The following TMCC2 variants were observed in gnomAD, a reference collection of about 807,000 sequenced individuals.
The protein encoded by TMCC2 is transmembrane and coiled-coil domain family 2, also known as transmembrane and coiled-coil domains protein 2.
Under a neutral mutation model 49.4 loss-of-function variants are expected in TMCC2, and 16 were observed. The observed-to-expected ratio is 0.32, with a 90% CI of 0.22 to 0.49. TMCC2 has a LOEUF of 0.49. Among genes scored for constraint, TMCC2 ranks in the 20% least tolerant of loss-of-function variants. TMCC2 has a pLI of 0.99. For missense variants in TMCC2, 762 were observed against 989.8 expected, an observed-to-expected ratio of 0.77 and a Z score of 3.09; for synonymous variants, 397 against 434.1, an observed-to-expected ratio of 0.91 and a Z score of 1.06.
chr1:205,236,487 A>C (rs1660054818), intron 1 of TMCC2: 1 of 152,216 alleles, frequency 6.6e-6, no homozygotes, highest in African/African-American at 2.4e-5. Flanking sequence ...TCAGAAAATA[A>C]ATGAACAAAT....
chr1:205,232,582 G>A (rs1659841785), intron 1 of TMCC2, among the ~76,000 whole-genome samples: 2 of 152,092 alleles, frequency 1.3e-5, no homozygotes, highest in South Asian at 2.1e-4. Flanking sequence ...CATATGGGAG[G>A]AGAGGTGGGG....
At chr1:205,261,458 C>T (rs1307614210) in intron 2 of TMCC2, among the ~76,000 whole-genome samples, 1 of 151,992 alleles carries the variant, frequency 6.6e-6, no homozygotes, top group Non-Finnish European at 1.5e-5. Flanking sequence ...CCATTTTGGC[C>T]TCCAAAAGTG....
chr1:205,241,999 C>A lies in TMCC2; in HGVS notation c.702C>A (p.Ser234Arg), dbSNP rs1660289236. ...CTGCTCTGCTGCTGGCCGACGGCAG[C>A]AACGTGTACCTCCTGGCTGAGGAGG... ...TDTALLLADG[S>R]NVYLLAEEAE... The change falls in exon 2 of 5, where the codon AGC (serine) becomes AGA (arginine). Residue 234 changes from serine to arginine, a missense_variant. Around this residue, in one of 2 missense-constraint regions of TMCC2, gnomAD observed 322 missense variants for 353.1 expected, o/e 0.91. Transcript: ENST00000358024. The surrounding 1 kb of genome is among the most constrained non-coding windows in gnomAD (Gnocchi z 7.3). 1 of 1,607,736 alleles carries A rather than the reference C, an allele frequency of 6.2e-7. No homozygotes were observed. The highest frequency in any genetic ancestry group is 8.5e-7 in the Non-Finnish European group (1 of 1,177,896).
Position 205,272,292 on chromosome 1 carries a change from CTG to C in TMCC2, c.*170_*171del. On this transcript the variant is annotated 3_prime_UTR_variant, in exon 5 of 5. Coordinates refer to ENST00000358024, the MANE Select transcript of TMCC2 (RefSeq NM_014858.4). ...CTTGCTTCTGTCTGACACCTTCTCC[CTG>C]TTGGCCTGAAGGGAGCTTAGAATGC... is the stretch of plus-strand genomic sequence containing the variant. The C allele has an allele frequency of 7.4e-7, 1 of 1,352,122 alleles. No individual in the cohort carries two copies. Among genetic ancestry groups the C allele is most frequent in the Non-Finnish European group, 9.8e-7 (1 of 1,023,708 alleles). The allele number at this position is 1,352,122 out of a possible 1,614,324, so 83.8% of individuals were successfully genotyped here.
chr1:205,261,363 C>A (rs1661107388), intron 2 of TMCC2, among the ~76,000 whole-genome samples: 1 of 141,246 alleles, frequency 7.1e-6, no homozygotes, highest in South Asian at 2.1e-4. Context: ...CACCACCACA[C>A]CTGGCTGTTT....
chr1:205,238,830 C>T (rs938114056), intron 1 of TMCC2, among the ~76,000 whole-genome samples: 64 of 152,230 alleles, frequency 4.2e-4, no homozygotes, highest in African/African-American at 1.4e-3. Flanking sequence ...TCCGTTTCTT[C>T]ATCTGCAAAA....
rs549191303 is a variant in TMCC2 at position 205,237,430 on chromosome 1, G to C, written c.208-4075G>C. ...CCCACTGAACCCTCACAGCCAAACT[G>C]TTGGTAGGGCGGAAGGAGTTTCAAA... is the stretch of plus-strand genomic sequence containing the variant. On this transcript the variant is annotated intron_variant, in intron 1 of 4. Transcript: ENST00000358024. 3.3e-5 allele frequency among the ~76,000 whole-genome samples: 5 copies of C among 152,342 alleles called. No homozygotes were observed. The East Asian group carries it at 9.6e-4, about 29-fold the overall frequency.
chr1:205,272,168 C>T lies in TMCC2; in HGVS notation c.*44C>T, dbSNP rs1435953765. On this transcript the variant is annotated 3_prime_UTR_variant, in exon 5 of 5. Transcript: ENST00000358024. The stretch of plus-strand genomic sequence containing the variant: ...CCTGTGCTCTCTGGCCCCCAGCTGG[C>T]CACACTTCTCCAGGAGGGACCCTTG... The T allele has an allele frequency of 1.3e-6, 2 of 1,589,688 alleles. No homozygotes were observed. The highest frequency in any genetic ancestry group is 2.3e-5 in the East Asian group (1 of 44,434).
At chr1:205,268,252 C>T (rs1400173568) in intron 2 of TMCC2, among the ~76,000 whole-genome samples, 1 of 152,224 alleles carries the variant, frequency 6.6e-6, no homozygotes, top group Non-Finnish European at 1.5e-5. Context: ...TCTCATTCCT[C>T]AGAAATCCAA....
intron 2 of TMCC2, among the ~76,000 whole-genome samples, chr1:205,257,567 T>C (rs1574855894): frequency 6.6e-6 from 1 of 152,176 alleles, no homozygotes; most frequent in African/African-American, 2.4e-5. Context: ...GGAGAGCCCC[T>C]GGGGTTGGAT....
intron 2 of TMCC2, among the ~76,000 whole-genome samples, chr1:205,261,029 T>C (rs1661089665): frequency 6.6e-6 from 1 of 152,120 alleles, no homozygotes; most frequent in African/African-American, 2.4e-5. Flanking sequence ...TCAATTCGTT[T>C]GGGAATTGAA....
chr1:205,262,957 G>A (rs999367540), intron 2 of TMCC2, among the ~76,000 whole-genome samples: 1 of 152,152 alleles, frequency 6.6e-6, no homozygotes, highest in Non-Finnish European at 1.5e-5. Context: ...GGCAGGGGGA[G>A]TTATTGAAGG....
intron 1 of TMCC2, among the ~76,000 whole-genome samples, chr1:205,230,995 CA>C (rs1558639719): frequency 2.9e-5 from 1 of 34,964 alleles, no homozygotes; most frequent in Admixed American, 3.9e-4. Context: ...CCCATCCCCC[CA>C]TCCCCCCCCC....
At chr1:205,230,394 T>A (rs1659742300) in intron 1 of TMCC2, among the ~76,000 whole-genome samples, 1 of 152,162 alleles carries the variant, frequency 6.6e-6, no homozygotes, top group South Asian at 2.1e-4. Flanking sequence ...AAGCTTGAGC[T>A]TTTGCCAGGC....
At position 205,246,055 on chromosome 1, in the gene TMCC2, C is replaced by T. The variant is rs544834906; in HGVS notation, c.747+4011C>T. Among the ~76,000 whole-genome samples, 12 of 152,108 alleles carry T rather than the reference C, an allele frequency of 7.9e-5. No individual in the cohort carries two copies. The East Asian group carries it at 9.7e-4, about 12-fold the overall frequency. The stretch of plus-strand genomic sequence containing the variant: ...GCCTCCCGAAGTGCTGTGAACGGGG[C>T]GTGAGCAGGGCATCTGGTTCAGAAG... On this transcript the variant is annotated intron_variant, in intron 2 of 4. Transcript: ENST00000358024.
intron 1 of TMCC2, among the ~76,000 whole-genome samples, chr1:205,234,785 G>A (rs1659967984): frequency 1.3e-5 from 2 of 151,822 alleles, no homozygotes; most frequent in Admixed American, 1.3e-4. Flanking sequence ...TCAACCTCCC[G>A]AGTAGCTGGG....
At chr1:205,255,442 C>CT (rs1162479055) in intron 2 of TMCC2, among the ~76,000 whole-genome samples, 1 of 152,138 alleles carries the variant, frequency 6.6e-6, no homozygotes, top group African/African-American at 2.4e-5. Flanking sequence ...GTAGTCCCAG[C>CT]TACTTGGGAG....
chr1:205,253,993 A>G (rs1337609549), intron 2 of TMCC2, among the ~76,000 whole-genome samples: 1 of 152,206 alleles, frequency 6.6e-6, no homozygotes, highest in Non-Finnish European at 1.5e-5. Flanking sequence ...AGAGTCTCCA[A>G]GGCTTGGCTC....
At chr1:205,255,629 C>T (rs560839793) in intron 2 of TMCC2, among the ~76,000 whole-genome samples, 25 of 152,260 alleles carry the variant, frequency 1.6e-4, no homozygotes, top group Admixed American at 7.8e-4. Context: ...GACAGAACTG[C>T]AGTGGCTGGA....
Sources: gnomAD v4.1 joint callset for allele counts (sites outside exome capture counted in the v4.1 genomes callset) on GRCh38, gnomAD v4.1.1 for gene constraint, gnomAD v4.1.1 regional missense constraint, Gnocchi (gnomAD v3.1) non-coding constraint, MANE v1.5 for transcripts, NCBI Gene and HGNC (gene_info 2026-07-23, HGNC 2026-07-21) for gene names.